Variants in SMIM7 observed in about 807,000 individuals in gnomAD.
The protein encoded by SMIM7 is UPF0608 protein C19orf42.
In SMIM7, 12 loss-of-function variants were observed where a neutral mutation model predicts 13.3. The ratio of observed to expected loss-of-function variants is 0.90; its 90% CI spans 0.58 to 1.46. The LOEUF (loss-of-function observed/expected upper bound fraction) is 1.46, where lower values mean the gene tolerates loss of function less well. Ranked by LOEUF, SMIM7 falls within the 40% of genes most tolerant of loss-of-function variation. The pLI, the probability that SMIM7 is intolerant of heterozygous loss-of-function variation, is 0.00. For missense variants in SMIM7, 114 were observed against 94.8 expected (o/e 1.20, Z -0.84); for synonymous variants, 36 against 35.8 (o/e 1.01, Z -0.02).
intron 4 of SMIM7, among the ~76,000 whole-genome samples, chr19:16,651,720 C>A (rs1234482278): frequency 1.3e-5 from 2 of 149,794 alleles, no homozygotes; most frequent in African/African-American, 4.9e-5. Context: ...ATGCTGACTT[C>A]TTCCCTGCCC....
At position 16,657,496 on chromosome 19, in the gene SMIM7, T is replaced by C. The variant is rs186527238; in HGVS notation, c.121+1899A>G. 2.3e-3 allele frequency among the ~76,000 whole-genome samples: 348 copies of C among 152,328 alleles called. 1 individual carries two copies. The highest frequency in any genetic ancestry group is 8.0e-3 in the African/African-American group (332 of 41,576). On this transcript the variant is annotated intron_variant, in intron 3 of 4. Coordinates refer to ENST00000487416, the MANE Select transcript of SMIM7 (RefSeq NM_024104.4). ...ATAGACGGACAGATGGTCTAGTGATTGAGTGCACAACCGCTAGAGTCAGAA... is the reference window on the plus strand; with the variant it reads ...ATAGACGGACAGATGGTCTAGTGATCGAGTGCACAACCGCTAGAGTCAGAA...
intron 2 of SMIM7, 55 bp downstream of exon 2, chr19:16,659,904 G>A (rs921253098): frequency 1.2e-4 from 184 of 1,566,954 alleles, no homozygotes; most frequent in Non-Finnish European, 1.5e-4. Context: ...ACGCTTATGA[G>A]GGCGGGGCTA....
chr19:16,635,515 C>T (rs1042882904), intron 4 of SMIM7, among the ~76,000 whole-genome samples: 4 of 151,978 alleles, frequency 2.6e-5, no homozygotes, highest in African/African-American at 9.7e-5. Flanking sequence ...AGGAAAAAAA[C>T]AACAAACTCA....
intron 4 of SMIM7, among the ~76,000 whole-genome samples, chr19:16,631,995 G>C (rs1378824885): frequency 6.6e-6 from 1 of 151,400 alleles, no homozygotes; most frequent in African/African-American, 2.4e-5. Context: ...TCAGCCTCCC[G>C]AGTAGCTGGG....
At chr19:16,645,696 G>A (rs1027716363), downstream of SMIM7, 15 of 113,890 alleles carry the variant, frequency 1.3e-4, no homozygotes, top group Middle Eastern at 8.1e-3. Context: ...GAATCTCATT[G>A]TCTCACCCAG....
chr19:16,648,814 C>T (rs967538699), intron 4 of SMIM7, among the ~76,000 whole-genome samples: 2 of 151,678 alleles, frequency 1.3e-5, no homozygotes, highest in African/African-American at 4.8e-5. Context: ...CTGGACCAGC[C>T]TGGGCAACAT....
chr19:16,644,452 C>T (rs573915144), downstream of SMIM7, among the ~76,000 whole-genome samples: 75 of 144,836 alleles, frequency 5.2e-4, no homozygotes, highest in African/African-American at 1.5e-3. Context: ...TTTTTTTTTC[C>T]GAGACAGAAG....
chr19:16,650,437 C>T (rs778197513), intron 4 of SMIM7, among the ~76,000 whole-genome samples: 1 of 152,192 alleles, frequency 6.6e-6, no homozygotes, highest in Non-Finnish European at 1.5e-5. Context: ...AGATTGGGCA[C>T]GGTGGCTCAC....
chr19:16,638,289 CTT>C (rs1192710779), intron 4 of SMIM7, among the ~76,000 whole-genome samples: 1 of 147,134 alleles, frequency 6.8e-6, no homozygotes, highest in Non-Finnish European at 1.5e-5. Context: ...AATTAAACCT[CTT>C]TTCTTTTTTC....
At chr19:16,635,439 C>T (rs2086351620) in intron 4 of SMIM7, among the ~76,000 whole-genome samples, 1 of 151,494 alleles carries the variant, frequency 6.6e-6, no homozygotes, top group Admixed American at 6.6e-5. Context: ...AAGCCATTTC[C>T]CCAAAGAGCA....
chr19:16,638,377 C>T lies in SMIM7; in HGVS notation c.*138-6653G>A, dbSNP rs1289433182. 4.7e-5 allele frequency among the ~76,000 whole-genome samples: 7 copies of T among 148,196 alleles called. No individual in the cohort carries two copies. In the East Asian group the frequency reaches 1.2e-3, roughly 26 times the overall value. On this transcript the variant is annotated intron_variant and NMD_transcript_variant, in intron 4 of 4. Coordinates refer to the SMIM7 transcript ENST00000465250. ...GGAGTGCAATGGCACGATCTCGGCT[C>T]ACTGCAACCCCTGCCTCCCGGGTTC...
At chr19:16,632,658 A>C (rs562807302) in intron 4 of SMIM7, among the ~76,000 whole-genome samples, 1 of 149,794 alleles carries the variant, frequency 6.7e-6, no homozygotes, top group Admixed American at 6.8e-5. Flanking sequence ...CAGCCTCCTG[A>C]GTAGCTGGAA....
At chr19:16,649,835 C>T (rs2086497018) in intron 4 of SMIM7, among the ~76,000 whole-genome samples, 1 of 152,108 alleles carries the variant, frequency 6.6e-6, no homozygotes, top group Non-Finnish European at 1.5e-5. Context: ...GGATGAACCT[C>T]AAAAACATGA....
At chr19:16,641,488 G>T (rs1355522689), downstream of SMIM7, 1 of 151,990 alleles carries the variant, frequency 6.6e-6, no homozygotes. Flanking sequence ...AGTAGAGACA[G>T]CATTTCTCCA....
At chr19:16,636,815 T>C (rs1302162703) in intron 4 of SMIM7, among the ~76,000 whole-genome samples, 1 of 151,794 alleles carries the variant, frequency 6.6e-6, no homozygotes, top group Non-Finnish European at 1.5e-5. Flanking sequence ...TAGCTGGGTG[T>C]GGTAGCATGT....
chr19:16,639,554 G>A (rs2086390178), intron 4 of SMIM7, among the ~76,000 whole-genome samples: 1 of 152,182 alleles, frequency 6.6e-6, no homozygotes, highest in Non-Finnish European at 1.5e-5. Flanking sequence ...TGCCCTTATA[G>A]TGCTAAAGGA....
chr19:16,652,074 G>C lies in SMIM7; in HGVS notation c.212+1961C>G, dbSNP rs547069865. Among the ~76,000 whole-genome samples the C allele has an allele frequency of 2.7e-5, 4 of 150,502 alleles. No homozygotes were observed. The South Asian group carries it at 8.4e-4, about 32-fold the overall frequency. On this transcript the variant is annotated intron_variant, in intron 4 of 4. Transcript: ENST00000487416. ...TTCCCTGTCCCAGGACCTTTGCAAA[G>C]ACGAGAATGAGGGAAGAATGCTGAC...
chr19:16,650,450 C>T (rs1181501181), intron 4 of SMIM7, among the ~76,000 whole-genome samples: 6 of 152,232 alleles, frequency 3.9e-5, no homozygotes, highest in Non-Finnish European at 8.8e-5. Context: ...TGGCTCACGC[C>T]TATAATCCCA....
At chr19:16,652,955 T>C in intron 4 of SMIM7, 1 of 1,550,578 alleles carries the variant, frequency 6.4e-7, no homozygotes, top group Non-Finnish European at 8.7e-7. Flanking sequence ...GCTTGAGTTT[T>C]CTCAGCCTAA....
Sources: allele counts gnomAD v4.1 joint callset (sites outside exome capture counted in the v4.1 genomes callset), GRCh38; gene constraint gnomAD v4.1.1; transcripts MANE v1.5; gene names NCBI Gene and HGNC (gene_info 2026-07-23, HGNC 2026-07-21).